TMEM132C: variants seen among roughly 807,000 people sequenced by gnomAD.
The protein encoded by TMEM132C is transmembrane protein 132C.
Under a neutral mutation model 61.4 loss-of-function variants are expected in TMEM132C, and 29 were observed. The ratio of observed to expected loss-of-function variants is 0.47; its 90% CI spans 0.35 to 0.64. TMEM132C has a LOEUF of 0.64. TMEM132C is among the 30% of genes least tolerant of loss of function. The pLI, the probability that TMEM132C is intolerant of heterozygous loss-of-function variation, is 0.00. For missense variants in TMEM132C, 1,408 were observed against 1,476.9 expected, an observed-to-expected ratio of 0.95 and a Z score of 0.76; for synonymous variants, 656 against 633.1, an observed-to-expected ratio of 1.04 and a Z score of -0.54.
intron 2 of TMEM132C, among the ~76,000 whole-genome samples, chr12:128,462,136 C>T (rs542790458): frequency 6.6e-6 from 1 of 152,078 alleles, no homozygotes; most frequent in Non-Finnish European, 1.5e-5. Flanking sequence ...GACAGAGTCT[C>T]GCTCTGTCAC....
chr12:128,510,509 G>A (rs890233610), intron 2 of TMEM132C, among the ~76,000 whole-genome samples: 8 of 152,194 alleles, frequency 5.3e-5, no homozygotes, highest in South Asian at 2.1e-4. Context: ...CTAGAACGGC[G>A]GGTCTGATTT....
At chr12:128,663,877 C>T (rs113046774) in intron 4 of TMEM132C, among the ~76,000 whole-genome samples, 8,677 of 143,748 alleles carry the variant, frequency 0.06, 624 homozygotes, top group African/African-American at 0.19. Context: ...GGCACACACA[C>T]ATACAGGCAC....
At chr12:128,279,689 C>T (rs12426918) in intron 1 of TMEM132C, among the ~76,000 whole-genome samples, 12,642 of 152,272 alleles carry the variant, frequency 0.083, 631 homozygotes, top group South Asian at 0.15. Flanking sequence ...CTTTCAGCTT[C>T]TCAGATCTGT....
chr12:128,701,571 A>G (rs1423681948), intron 8 of TMEM132C, among the ~76,000 whole-genome samples: 1 of 152,180 alleles, frequency 6.6e-6, no homozygotes, highest in Admixed American at 6.5e-5. Context: ...ATGTAGAGTC[A>G]TCATTGCTGT....
At chr12:128,655,888 A>C (rs1286821313) in intron 4 of TMEM132C, among the ~76,000 whole-genome samples, 1 of 152,242 alleles carries the variant, frequency 6.6e-6, no homozygotes, top group Non-Finnish European at 1.5e-5. Context: ...TACATAAGTT[A>C]GCCTTAAGTT....
chr12:128,272,511 TCTC>T (rs1351407486), intron 1 of TMEM132C, among the ~76,000 whole-genome samples: 2 of 152,230 alleles, frequency 1.3e-5, no homozygotes, highest in African/African-American at 4.8e-5. Context: ...TATTTTCATT[TCTC>T]CTGAGTAACT....
intron 2 of TMEM132C, among the ~76,000 whole-genome samples, chr12:128,451,792 A>G (rs574147768): frequency 6.6e-6 from 1 of 152,242 alleles, no homozygotes; most frequent in Non-Finnish European, 1.5e-5. Context: ...TCCTTTAGTC[A>G]ATACATATTT....
chr12:128,564,370 C>T (rs910784667), intron 3 of TMEM132C, among the ~76,000 whole-genome samples: 3 of 152,152 alleles, frequency 2.0e-5, no homozygotes, highest in African/African-American at 7.2e-5. Flanking sequence ...TGAGGAGAGG[C>T]TTCAGCCATC....
chr12:128,425,007 C>G lies in TMEM132C; in HGVS notation c.974+9387C>G, dbSNP rs189116568. The stretch of plus-strand genomic sequence containing the variant: ...AAAACAAGGACCAGTCAACTTCAAT[C>G]AGATATGTGGGTTGAAGGTAGCACA... On this transcript the variant is annotated intron_variant, in intron 2 of 8. Coordinates refer to ENST00000435159, the MANE Select transcript of TMEM132C (RefSeq NM_001136103.3). Among the ~76,000 whole-genome samples, 7 of 152,312 alleles carry G rather than the reference C, an allele frequency of 4.6e-5. No individual in the cohort carries two copies. The East Asian group carries it at 1.4e-3, about 29-fold the overall frequency.
intron 1 of TMEM132C, among the ~76,000 whole-genome samples, chr12:128,354,633 T>A (rs1403953891): frequency 6.6e-6 from 1 of 152,074 alleles, no homozygotes; most frequent in Non-Finnish European, 1.5e-5. Flanking sequence ...GAAGGAGGAC[T>A]CAGGAAGAAA....
intron 4 of TMEM132C, among the ~76,000 whole-genome samples, chr12:128,663,303 C>G (rs1954412458): frequency 6.6e-6 from 1 of 152,186 alleles, no homozygotes; most frequent in Non-Finnish European, 1.5e-5. Context: ...TGCGGATTTG[C>G]CTGGTGTGGA....
At chr12:128,472,537 G>A (rs763195625) in intron 2 of TMEM132C, among the ~76,000 whole-genome samples, 3 of 152,244 alleles carry the variant, frequency 2.0e-5, no homozygotes, top group Admixed American at 6.5e-5. Flanking sequence ...TGTGCACGGA[G>A]TGGTTGGGAA....
At chr12:128,301,438 A>G (rs1871592378) in intron 1 of TMEM132C, among the ~76,000 whole-genome samples, 1 of 152,170 alleles carries the variant, frequency 6.6e-6, no homozygotes, top group African/African-American at 2.4e-5. Context: ...GAAATTTATT[A>G]GTAGTAGTAT....
At chr12:128,463,482 C>A (rs1329949203) in intron 2 of TMEM132C, among the ~76,000 whole-genome samples, 2 of 152,104 alleles carry the variant, frequency 1.3e-5, no homozygotes, top group Admixed American at 1.3e-4. Context: ...CCTCGCCTGG[C>A]TAATTTTTGT....
intron 1 of TMEM132C, among the ~76,000 whole-genome samples, chr12:128,343,029 A>T (rs1385439683): frequency 6.6e-6 from 1 of 152,206 alleles, no homozygotes; most frequent in Non-Finnish European, 1.5e-5. Context: ...GCAAACTGGG[A>T]TAGCAAGGTG....
chr12:128,424,523 T>C (rs1032137271), intron 2 of TMEM132C, among the ~76,000 whole-genome samples: 4 of 150,488 alleles, frequency 2.7e-5, no homozygotes, highest in East Asian at 3.9e-4. Flanking sequence ...ATGCCTAAAA[T>C]AGGCAAATCC....
chr12:128,447,351 C>T (rs1870016301), intron 2 of TMEM132C, among the ~76,000 whole-genome samples: 1 of 152,142 alleles, frequency 6.6e-6, no homozygotes, highest in East Asian at 1.9e-4. Context: ...CGTTATACAA[C>T]AGGCAAGAGG....
intron 3 of TMEM132C, among the ~76,000 whole-genome samples, chr12:128,593,052 GTCTTC>G (rs1241268905): frequency 7.2e-6 from 1 of 139,764 alleles, no homozygotes; most frequent in African/African-American, 2.6e-5. Flanking sequence ...TTTTCTCTCT[GTCTTC>G]TCTTTCTTTC....
chr12:128,623,406 G>A (rs1953985891), intron 4 of TMEM132C, among the ~76,000 whole-genome samples: 1 of 148,908 alleles, frequency 6.7e-6, no homozygotes, highest in African/African-American at 2.5e-5. Flanking sequence ...AGAACTTAAA[G>A]TATAAAGTAT....
Sources: allele counts gnomAD v4.1 joint callset (sites outside exome capture counted in the v4.1 genomes callset), GRCh38; gene constraint gnomAD v4.1.1; transcripts MANE v1.5; gene names NCBI Gene and HGNC (gene_info 2026-07-23, HGNC 2026-07-21).